SIDT1: variants seen among roughly 807,000 people sequenced by gnomAD.
SIDT1 encodes the protein SID1 transmembrane family, member 1.
Under a neutral mutation model 107.5 loss-of-function variants are expected in SIDT1, and 101 were observed. The observed-to-expected ratio is 0.94, with a 90% CI of 0.80 to 1.11. The LOEUF (loss-of-function observed/expected upper bound fraction) is 1.11. Ranked by LOEUF, SIDT1 falls within the 50% of genes least tolerant of loss-of-function variation. The pLI, the probability that SIDT1 is intolerant of heterozygous loss-of-function variation, is 0.00. For synonymous variants in SIDT1, 395 were observed against 398.2 expected, an observed-to-expected ratio of 0.99 and a Z score of 0.10; for missense variants, 1,076 against 1,058.2, an observed-to-expected ratio of 1.02 and a Z score of -0.23.
rs987315157 is a variant in SIDT1 at position 113,566,417 on chromosome 3, C to A, written c.223-3C>A. 3.7e-6 allele frequency: 6 copies of A among 1,613,204 alleles called. No homozygotes were observed. The highest frequency in any genetic ancestry group is 5.1e-6 in the Non-Finnish European group (6 of 1,179,524). ...CATTACCTCTTTCTACCCTGCCATG[C>A]AGGTGACAGCCGTGAGGGTGTATGT... On this transcript the variant is annotated splice_region_variant and splice_polypyrimidine_tract_variant and intron_variant, in intron 1 of 24. Transcript: ENST00000264852.
intron 23 of SIDT1, among the ~76,000 whole-genome samples, chr3:113,625,554 G>T (rs2107856674): frequency 6.6e-6 from 1 of 152,274 alleles, no homozygotes; most frequent in Non-Finnish European, 1.5e-5. Flanking sequence ...ATCCTCGCCA[G>T]CATCTGTTAT....
chr3:113,579,714 T>C (rs1417796099), intron 4 of SIDT1, among the ~76,000 whole-genome samples: 3 of 152,222 alleles, frequency 2.0e-5, no homozygotes, highest in Admixed American at 6.5e-5. Flanking sequence ...TTGTTTTGCC[T>C]CTCTGTACAT....
chr3:113,532,903 A>G lies in SIDT1; in HGVS notation c.-119A>G, dbSNP rs899743237. On this transcript the variant is annotated 5_prime_UTR_variant, in exon 1 of 25. Transcript: ENST00000264852. ...CCCTGGCCGGCTGGGTTCGCCAGGCATCACCCGCTCGGCTCTGAAGCGGAC... is the reference window on the plus strand; with the variant it reads ...CCCTGGCCGGCTGGGTTCGCCAGGCGTCACCCGCTCGGCTCTGAAGCGGAC... The G allele has an allele frequency of 4.8e-5, 32 of 663,712 alleles. No homozygotes were observed. Among genetic ancestry groups the G allele is most frequent in the Non-Finnish European group, 4.4e-6 (2 of 456,330 alleles). The allele number at this position is 663,712 out of a possible 1,614,324, so 41.1% of individuals were successfully genotyped here. A position where few individuals can be genotyped will look rare whatever the true frequency, so the allele number is the denominator to read the frequency against.
chr3:113,582,625 G>C (rs1288960015), intron 6 of SIDT1, among the ~76,000 whole-genome samples: 1 of 152,074 alleles, frequency 6.6e-6, no homozygotes, highest in East Asian at 1.9e-4. Context: ...GATGTGTTTG[G>C]CAATAAATTG....
chr3:113,541,413 G>A (rs147510660), intron 1 of SIDT1, among the ~76,000 whole-genome samples: 10 of 152,194 alleles, frequency 6.6e-5, no homozygotes, highest in Admixed American at 5.2e-4. Context: ...CAAGTGATCC[G>A]CCCACCTCGG....
At chr3:113,623,222 GATACTT>G (rs1451842127) in intron 21 of SIDT1, among the ~76,000 whole-genome samples, 199 bp from the exon 22 acceptor site, 1 of 61,768 alleles carries the variant, frequency 1.6e-5, no homozygotes, top group Non-Finnish European at 3.2e-5. Flanking sequence ...AAAAAAAAAA[GATACTT>G]ATATGTTAAA....
At chr3:113,577,015 T>C (rs372400474) in intron 4 of SIDT1, 48 bp downstream of exon 4, 70 of 1,565,172 alleles carry the variant, frequency 4.5e-5, no homozygotes, top group Non-Finnish European at 6.2e-5. Flanking sequence ...CTGTTGGTGT[T>C]GCCTGCCTGT....
intron 6 of SIDT1, among the ~76,000 whole-genome samples, chr3:113,583,150 GC>G (rs1943487120): frequency 6.6e-6 from 1 of 152,094 alleles, no homozygotes; most frequent in South Asian, 2.1e-4. Flanking sequence ...ATAGTTCTAA[GC>G]TCTCAAATAG....
At chr3:113,607,287 T>A (rs1306178164) in intron 15 of SIDT1, among the ~76,000 whole-genome samples, 173 bp downstream of exon 15, 3 of 152,210 alleles carry the variant, frequency 2.0e-5, no homozygotes, top group Non-Finnish European at 4.4e-5. Flanking sequence ...CGTTCCTGTA[T>A]GTGGTTCTCA....
chr3:113,616,133 T>C lies in SIDT1; in HGVS notation c.2000T>C (p.Phe667Ser), dbSNP rs1305915928. 6.2e-7 allele frequency: 1 copy of C among 1,614,142 alleles called. No homozygotes were observed. Among genetic ancestry groups the C allele is most frequent in the African/African-American group, 1.3e-5 (1 of 75,068 alleles). ...LGIFRRAAMV[F>S]YTDCIQQCSR... ...ATTTTCCGGCGGGCTGCCATGGTGT[T>C]CTACACAGACTGTATCCAGCAGTGT... is the stretch of plus-strand genomic sequence containing the variant. The change falls in exon 20 of 25, where the codon TTC (phenylalanine) becomes TCC (serine). Residue 667 changes from phenylalanine to serine, a missense_variant. By Grantham distance (155) the Phe-to-Ser change is radical. Transcript: ENST00000264852.
chr3:113,538,218 C>G (rs1459770745), intron 1 of SIDT1, among the ~76,000 whole-genome samples: 1 of 152,218 alleles, frequency 6.6e-6, no homozygotes, highest in Non-Finnish European at 1.5e-5. Flanking sequence ...GGGACACAAA[C>G]ATTCAATCCG....
At chr3:113,587,274 A>T (rs367833930) in intron 9 of SIDT1, among the ~76,000 whole-genome samples, 10 of 152,198 alleles carry the variant, frequency 6.6e-5, no homozygotes, top group African/African-American at 1.9e-4. Context: ...ATGAGGTAAT[A>T]AGCTAACAAT....
intron 6 of SIDT1, among the ~76,000 whole-genome samples, chr3:113,582,848 AT>A (rs140108502): frequency 0.027 from 4,075 of 151,796 alleles, 98 homozygotes; most frequent in East Asian, 0.11. Flanking sequence ...TTTGGGGATG[AT>A]TTTTTTTTAA....
intron 3 of SIDT1, among the ~76,000 whole-genome samples, chr3:113,576,265 A>G (rs1325333501): frequency 6.6e-6 from 1 of 152,234 alleles, no homozygotes; most frequent in Non-Finnish European, 1.5e-5. Flanking sequence ...TTGAAGAGAA[A>G]AAAACCTCAT....
At chr3:113,610,159 T>C (rs755470464) in intron 17 of SIDT1, among the ~76,000 whole-genome samples, 1 of 152,248 alleles carries the variant, frequency 6.6e-6, no homozygotes, top group Non-Finnish European at 1.5e-5. Flanking sequence ...TTGAACAGCA[T>C]TTAAATGTTG....
chr3:113,623,314 TAA>T (rs199727147), intron 21 of SIDT1, 111 bp from the exon 22 acceptor site: 1,128 of 457,618 alleles, frequency 2.5e-3, no homozygotes, highest in East Asian at 5.7e-3. Context: ...AAATAAAAGT[TAA>T]AAAAAAAAAA....
intron 10 of SIDT1, among the ~76,000 whole-genome samples, chr3:113,599,440 T>C (rs1355383731): frequency 6.6e-6 from 1 of 152,246 alleles, no homozygotes; most frequent in Non-Finnish European, 1.5e-5. Context: ...TTGAGCACTA[T>C]ATGAAAGTAA....
chr3:113,546,520 T>C (rs549005822), intron 1 of SIDT1, among the ~76,000 whole-genome samples: 72 of 152,308 alleles, frequency 4.7e-4, no homozygotes, highest in Non-Finnish European at 9.9e-4. Flanking sequence ...CTGAGTACCA[T>C]GTCAATAAGA....
At chr3:113,577,047 GT>G in intron 4 of SIDT1, 80 bp downstream of exon 4, 12 of 1,364,182 alleles carry the variant, frequency 8.8e-6, no homozygotes, top group Non-Finnish European at 1.3e-5. Context: ...TGTTACCCTG[GT>G]AGAGTTAGCG....
Sources: gnomAD v4.1 joint callset for allele counts (sites outside exome capture counted in the v4.1 genomes callset) on GRCh38, gnomAD v4.1.1 for gene constraint, MANE v1.5 for transcripts, NCBI Gene and HGNC (gene_info 2026-07-23, HGNC 2026-07-21) for gene names.